Variants in PRKN observed in about 807,000 individuals in gnomAD.
PRKN encodes E3 ubiquitin-protein ligase parkin.
PRKN carries 56 observed loss-of-function variants against 59.5 expected under a neutral mutation model. That is an observed-to-expected ratio of 0.94 (90% CI 0.76 to 1.18). The LOEUF is 1.18. Ranked by LOEUF, PRKN falls within the 50% of genes most tolerant of loss-of-function variation. The pLI is 0.00. For synonymous variants in PRKN, 250 were observed against 222.1 expected (o/e 1.13, Z -1.12); for missense variants, 657 against 596.4 (o/e 1.10, Z -1.06).
intron 7 of PRKN, among the ~76,000 whole-genome samples, chr6:161,645,327 C>G (rs1164951269): frequency 6.6e-6 from 1 of 151,782 alleles, no homozygotes; most frequent in Admixed American, 6.6e-5. Context: ...AGATACCATT[C>G]AACTTGTCAA....
intron 2 of PRKN, among the ~76,000 whole-genome samples, chr6:162,291,659 A>C (rs926420411): frequency 6.6e-6 from 1 of 152,096 alleles, no homozygotes; most frequent in Non-Finnish European, 1.5e-5. Context: ...CTGACAGGAG[A>C]ATTTCCCGTA....
intron 1 of PRKN, among the ~76,000 whole-genome samples, chr6:162,642,618 T>C (rs182662641): frequency 3.7e-4 from 56 of 152,056 alleles, no homozygotes; most frequent in Non-Finnish European, 6.8e-4. Context: ...ATAAGTATAG[T>C]AGTGTCGAAA....
chr6:162,121,206 C>T (rs1562525704), intron 4 of PRKN, among the ~76,000 whole-genome samples: 1 of 152,154 alleles, frequency 6.6e-6, no homozygotes, highest in Non-Finnish European at 1.5e-5. Flanking sequence ...ACTAACTATA[C>T]TGACAACATG....
intron 6 of PRKN, among the ~76,000 whole-genome samples, chr6:161,894,488 C>T (rs540692283): frequency 3.9e-5 from 6 of 152,306 alleles, no homozygotes; most frequent in Middle Eastern, 3.4e-3. Flanking sequence ...CCAATCAATC[C>T]TCACCACAGC....
At chr6:161,805,598 G>A (rs759887306) in intron 6 of PRKN, among the ~76,000 whole-genome samples, 96 of 152,234 alleles carry the variant, frequency 6.3e-4, no homozygotes, top group Middle Eastern at 6.8e-3. Context: ...GGGCTCCAGC[G>A]CAGGCCCTCC....
At chr6:162,227,414 C>A (rs577010804) in intron 3 of PRKN, among the ~76,000 whole-genome samples, 2 of 151,962 alleles carry the variant, frequency 1.3e-5, no homozygotes, top group African/African-American at 4.8e-5. Context: ...TATCTATATC[C>A]ATTAGAACAC....
intron 3 of PRKN, among the ~76,000 whole-genome samples, chr6:162,236,001 G>GAAAGAAAGAAAGAA (rs1778688268): frequency 8.2e-6 from 1 of 121,278 alleles, no homozygotes; most frequent in African/African-American, 3.9e-5. Context: ...AAGAAAGAAA[G>GAAAGAAAGAAAGAA]AAAGAAAGAA....
At chr6:161,929,930 A>G in intron 6 of PRKN, among the ~76,000 whole-genome samples, 1 of 152,204 alleles carries the variant, frequency 6.6e-6, no homozygotes, top group East Asian at 1.9e-4. Context: ...TTGTTTTCAT[A>G]ATTGAATAAA....
intron 1 of PRKN, chr6:162,727,290 A>C: frequency 3.1e-6 from 1 of 323,514 alleles, no homozygotes; most frequent in Non-Finnish European, 5.7e-6. Flanking sequence ...GTGAGGGGCG[A>C]AGGTGAGGGG....
intron 4 of PRKN, among the ~76,000 whole-genome samples, chr6:162,172,970 A>G (rs113232981): frequency 0.012 from 1,786 of 152,238 alleles, 33 homozygotes; most frequent in African/African-American, 0.041. Flanking sequence ...CCACAGAAAC[A>G]GCCTAGGGGT....
intron 6 of PRKN, among the ~76,000 whole-genome samples, chr6:161,952,825 A>C (rs751543872): frequency 6.6e-6 from 1 of 152,214 alleles, no homozygotes; most frequent in Admixed American, 6.5e-5. Context: ...CAACATAATA[A>C]ATAATAATAA....
At chr6:161,481,609 C>CA (rs1384074485) in intron 9 of PRKN, among the ~76,000 whole-genome samples, 3 of 151,348 alleles carry the variant, frequency 2.0e-5, no homozygotes, top group East Asian at 3.9e-4. Flanking sequence ...TCTCAAAAAA[C>CA]AAAAAAACAA....
rs965011358 is a variant in PRKN at position 161,349,502 on chromosome 6, C to T, written c.*597G>A. The T allele has an allele frequency of 4.3e-6, 1 of 233,292 alleles. No homozygotes were observed. Among genetic ancestry groups the T allele is most frequent in the African/African-American group, 2.2e-5 (1 of 45,270 alleles). 14.5% of individuals were successfully genotyped at this position (233,292 alleles called of 1,614,324 possible). The stretch of plus-strand genomic sequence containing the variant: ...TATAGATGGAATTCTTAAGGATAAA[C>T]AAATGTTTTTGACTATTGCCTGGGG... On this transcript the variant is annotated 3_prime_UTR_variant, in exon 12 of 12. Coordinates refer to ENST00000366898, the MANE Select transcript of PRKN (RefSeq NM_004562.3). This position sits in a 1 kb window ranked among gnomAD's most constrained non-coding sequence, Gnocchi z 5.5.
rs1467744050 is a variant in PRKN at position 161,475,853 on chromosome 6, T to C, written c.1083+73001A>G. Among the ~76,000 whole-genome samples, 1 of 152,070 alleles carries C rather than the reference T, an allele frequency of 6.6e-6. No individual in the cohort carries two copies. Among genetic ancestry groups the C allele is most frequent in the Non-Finnish European group, 1.5e-5 (1 of 68,016 alleles). On this transcript the variant is annotated intron_variant, in intron 9 of 11. Coordinates refer to ENST00000366898, the MANE Select transcript of PRKN (RefSeq NM_004562.3). This position sits in a 1 kb window ranked among gnomAD's most constrained non-coding sequence, Gnocchi z 5.3. ...TCTTTTTATTACTCTGATAACTGCA[T>C]TTTCCTTTCAATCTTATATATTTTA...
chr6:162,254,177 G>A (rs12211493), intron 3 of PRKN, among the ~76,000 whole-genome samples: 32,857 of 151,940 alleles, frequency 0.22, 4,396 homozygotes, highest in African/African-American at 0.37. Flanking sequence ...CCAAAAAGAC[G>A]GGCTGGGCAT....
intron 1 of PRKN, among the ~76,000 whole-genome samples, chr6:162,535,380 T>C (rs1562364649): frequency 6.6e-6 from 1 of 152,108 alleles, no homozygotes; most frequent in Non-Finnish European, 1.5e-5. Flanking sequence ...GTCCAATGTC[T>C]TTCTTCATCA....
chr6:162,385,143 T>C (rs983561557), intron 2 of PRKN, among the ~76,000 whole-genome samples: 2 of 152,278 alleles, frequency 1.3e-5, no homozygotes, highest in East Asian at 1.9e-4. Context: ...AAGATACTTA[T>C]GGAACTCACA....
intron 7 of PRKN, among the ~76,000 whole-genome samples, chr6:161,615,098 AT>A (rs1236977866): frequency 6.6e-6 from 1 of 152,084 alleles, no homozygotes; most frequent in Non-Finnish European, 1.5e-5. Flanking sequence ...AGTTATTGCA[AT>A]TTTTTCCATT....
intron 2 of PRKN, among the ~76,000 whole-genome samples, chr6:162,345,136 C>T (rs1332197667): frequency 1.3e-5 from 2 of 152,222 alleles, no homozygotes; most frequent in Non-Finnish European, 2.9e-5. Context: ...AAGACCACGC[C>T]TGGAATAACT....
Sources: allele counts gnomAD v4.1 joint callset (sites outside exome capture counted in the v4.1 genomes callset), GRCh38; gene constraint gnomAD v4.1.1; non-coding constraint Gnocchi (gnomAD v3.1); transcripts MANE v1.5; gene names NCBI Gene and HGNC (gene_info 2026-07-23, HGNC 2026-07-21).